The following MITF variants were observed in gnomAD, a reference collection of about 807,000 sequenced individuals.
MITF encodes microphthalmia-associated transcription factor.
Under a neutral mutation model 60.5 loss-of-function variants are expected in MITF, and 17 were observed. That is an observed-to-expected ratio of 0.28 (90% confidence interval 0.19 to 0.42). MITF has a LOEUF of 0.42. Among genes scored for constraint, MITF ranks in the 10% least tolerant of loss-of-function variants. The probability of loss-of-function intolerance (pLI) is 1.00; values close to 1 mark genes in which losing one functional copy is unlikely to be tolerated. For synonymous variants in MITF, 260 were observed against 248.5 expected (o/e 1.05, Z -0.43); for missense variants, 622 against 683.5 (o/e 0.91, Z 1.00).
intron 8 of MITF, among the ~76,000 whole-genome samples, chr3:69,956,913 T>C (rs2066413616): frequency 6.6e-6 from 1 of 152,206 alleles, no homozygotes; most frequent in Non-Finnish European, 1.5e-5. Flanking sequence ...ACTTGTACAG[T>C]ACCTCTAAAT....
intron 1 of MITF, among the ~76,000 whole-genome samples, chr3:69,807,219 A>G (rs940482965): frequency 6.6e-6 from 1 of 152,172 alleles, no homozygotes; most frequent in Admixed American, 6.5e-5. Flanking sequence ...TTCCTGTGGT[A>G]CATTATAGCT....
At chr3:69,830,783 G>A (rs554241611) in intron 1 of MITF, among the ~76,000 whole-genome samples, 63 of 152,110 alleles carry the variant, frequency 4.1e-4, no homozygotes, top group Admixed American at 1.0e-3. Context: ...CTTAAATTTG[G>A]CTGGTTGCTC....
intron 1 of MITF, among the ~76,000 whole-genome samples, chr3:69,793,686 C>T (rs929113536): frequency 1.3e-5 from 2 of 152,204 alleles, no homozygotes; most frequent in Admixed American, 1.3e-4. Context: ...AAGAACACTA[C>T]TTTTCTTTAT....
At chr3:69,819,234 C>T (rs539356356) in intron 1 of MITF, among the ~76,000 whole-genome samples, 14 of 152,286 alleles carry the variant, frequency 9.2e-5, no homozygotes, top group Middle Eastern at 3.4e-3. Flanking sequence ...TCCTCAAAGG[C>T]CCATCCTAAA....
At chr3:69,928,156 G>C (rs2065636849) in intron 2 of MITF, among the ~76,000 whole-genome samples, 1 of 152,154 alleles carries the variant, frequency 6.6e-6, no homozygotes, top group Non-Finnish European at 1.5e-5. Context: ...TAGAGATAAT[G>C]CTCTAATAGA....
chr3:69,855,830 A>G (rs1273576284), intron 1 of MITF, among the ~76,000 whole-genome samples: 1 of 152,180 alleles, frequency 6.6e-6, no homozygotes, highest in African/African-American at 2.4e-5. Context: ...AACCTGTAGC[A>G]TGCCTGACAT....
At chr3:69,878,142 T>C (rs1441630479) in intron 1 of MITF, among the ~76,000 whole-genome samples, 2 of 152,126 alleles carry the variant, frequency 1.3e-5, no homozygotes, top group Non-Finnish European at 2.9e-5. Context: ...GGCTTTAAAA[T>C]ATACATGATG....
chr3:69,816,815 A>T (rs1258345344), intron 1 of MITF, among the ~76,000 whole-genome samples: 1 of 152,158 alleles, frequency 6.6e-6, no homozygotes, highest in African/African-American at 2.4e-5. Flanking sequence ...GATGATGTTG[A>T]TAATGGTGGT....
At position 69,967,836 on chromosome 3, in the gene MITF, G is replaced by A. The variant is rs559658244; in HGVS notation, c.*2588G>A. ...GATCCACACCACTCCCCCGATTCCC[G>A]GGTGCAGAATTGTAACTCGGGGTTG... On this transcript the variant is annotated 3_prime_UTR_variant, in exon 10 of 10. Coordinates refer to ENST00000352241, the MANE Select transcript of MITF (RefSeq NM_001354604.2). 3.6e-4 allele frequency: 84 copies of A among 233,172 alleles called. No homozygotes were observed. Among genetic ancestry groups the A allele is most frequent in the African/African-American group, 4.8e-4 (22 of 45,424 alleles). 14.4% of individuals were successfully genotyped at this position (233,172 alleles called of 1,614,324 possible).
chr3:69,888,483 T>C (rs1384278631), intron 2 of MITF, among the ~76,000 whole-genome samples: 1 of 151,134 alleles, frequency 6.6e-6, no homozygotes, highest in East Asian at 1.9e-4. Flanking sequence ...GTGCCTTAAT[T>C]AGCCACATGT....
chr3:69,903,387 G>T (rs1329267529), intron 2 of MITF, among the ~76,000 whole-genome samples: 4 of 152,076 alleles, frequency 2.6e-5, no homozygotes, highest in Non-Finnish European at 5.9e-5. Context: ...TTGGCCTATT[G>T]GTTGTCCTCT....
intron 1 of MITF, among the ~76,000 whole-genome samples, chr3:69,772,796 T>C (rs1027686041): frequency 6.6e-6 from 1 of 152,180 alleles, no homozygotes; most frequent in African/African-American, 2.4e-5. Flanking sequence ...TTGAACTCTA[T>C]CCATCAATCC....
Position 69,964,682 on chromosome 3 carries a change from A to G in MITF, c.1180-165A>G, listed in dbSNP as rs2107551251. On this transcript the variant is annotated intron_variant, in intron 9 of 9. Transcript: ENST00000352241. Reference sequence around the variant, plus strand: ...CCGCAGTGACATTTCATTATCCTCCAAAGTCTATACTTTACATTCCCTCTG... The same window carrying G: ...CCGCAGTGACATTTCATTATCCTCCGAAGTCTATACTTTACATTCCCTCTG... Among the ~76,000 whole-genome samples, 2 of 76,058 alleles carry G rather than the reference A, an allele frequency of 2.6e-5. 1 individual carries two copies. Among genetic ancestry groups the G allele is most frequent in the African/African-American group, 1.1e-4 (2 of 17,714 alleles). The allele number at this position is 76,058 out of a possible 152,430, so 49.9% of individuals were successfully genotyped here.
In MITF at chr3:69,966,599, AGTTACT is replaced by A; in HGVS notation, c.*1358_*1363del. The A allele has an allele frequency of 4.3e-6, 1 of 233,198 alleles. No individual in the cohort carries two copies. Among genetic ancestry groups the A allele is most frequent in the Non-Finnish European group, 8.5e-6 (1 of 117,768 alleles). 14.4% of individuals were successfully genotyped at this position (233,198 alleles called of 1,614,324 possible). A position where few individuals can be genotyped will look rare whatever the true frequency, so the allele number is the denominator to read the frequency against. On this transcript the variant is annotated 3_prime_UTR_variant, in exon 10 of 10. Transcript: ENST00000352241. ...TTAAGAAAGAAATACTGTATTGGGA[AGTTACT>A]GTTACTTGATAACAATGTTTTAACA...
intron 1 of MITF, among the ~76,000 whole-genome samples, chr3:69,875,408 A>G (rs1294138014): frequency 6.6e-6 from 1 of 152,194 alleles, no homozygotes; most frequent in Non-Finnish European, 1.5e-5. Context: ...GAATTATGTG[A>G]CTGTGGCTTT....
At chr3:69,866,336 A>G (rs1198181906) in intron 1 of MITF, 1 of 1,613,784 alleles carries the variant, frequency 6.2e-7, no homozygotes, top group East Asian at 2.2e-5. Flanking sequence ...CTCCTTTGAA[A>G]GCTTGTATCT....
intron 2 of MITF, among the ~76,000 whole-genome samples, chr3:69,926,667 G>A (rs556520739): frequency 1.3e-5 from 2 of 152,102 alleles, no homozygotes; most frequent in Admixed American, 1.3e-4. Flanking sequence ...CTCCCATGGT[G>A]GGGGGGATCT....
chr3:69,897,601 A>C (rs903403715), intron 2 of MITF, among the ~76,000 whole-genome samples: 1 of 152,176 alleles, frequency 6.6e-6, no homozygotes, highest in African/African-American at 2.4e-5. Flanking sequence ...TAAGTAGTAC[A>C]ACAGAGACCT....
chr3:69,953,674 G>T (rs886253215), intron 7 of MITF, among the ~76,000 whole-genome samples: 76 of 146,990 alleles, frequency 5.2e-4, no homozygotes, highest in African/African-American at 1.8e-3. Context: ...GAGAGAGAGA[G>T]AGAGAGAGAG....
Sources: allele counts gnomAD v4.1 joint callset (sites outside exome capture counted in the v4.1 genomes callset), GRCh38; gene constraint gnomAD v4.1.1; transcripts MANE v1.5; gene names NCBI Gene and HGNC (gene_info 2026-07-23, HGNC 2026-07-21).